Variants in ZNF789 observed in about 807,000 individuals in gnomAD.
ZNF789 encodes zinc finger protein 789.
Under a neutral mutation model 15.6 loss-of-function variants are expected in ZNF789, and 11 were observed. That is an observed-to-expected ratio of 0.70 (90% CI 0.44 to 1.16). The LOEUF (loss-of-function observed/expected upper bound fraction) is 1.16, where lower values mean the gene tolerates loss of function less well. Among genes scored for constraint, ZNF789 ranks in the 50% most tolerant of loss-of-function variants. The pLI is 0.00. For missense variants in ZNF789, 461 were observed against 512.6 expected, an observed-to-expected ratio of 0.90 and a Z score of 0.97; for synonymous variants, 159 against 176.0, an observed-to-expected ratio of 0.90 and a Z score of 0.76.
At chr7:99,486,277 T>G (rs559000756) in intron 4 of ZNF789, among the ~76,000 whole-genome samples, 199 bp from the exon 5 acceptor site, 1 of 152,252 alleles carries the variant, frequency 6.6e-6, no homozygotes, top group South Asian at 2.1e-4. Flanking sequence ...ATCATGCCAC[T>G]GCACTCTAGC....
rs1437213664 is a variant in ZNF789 at position 99,487,072 on chromosome 7, A to G, written c.862A>G (p.Ser288Gly). Residue 288 changes from serine to glycine, a missense_variant, in exon 5 of 5, where the codon AGC (serine) becomes GGC (glycine). Physicochemically the swap from Ser to Gly is moderately conservative, Grantham distance 56. Coordinates refer to ENST00000331410, the MANE Select transcript of ZNF789 (RefSeq NM_213603.3). ...CACCAAAGAAAAACCTTATAAATGT[A>G]GCAAATGTGAAAAAACGTTTAGTCA... ...IHTKEKPYKC[S>G]KCEKTFSQNS... 4 of 1,614,024 alleles carry G rather than the reference A, an allele frequency of 2.5e-6. No individual in the cohort carries two copies. The highest frequency in any genetic ancestry group is 2.2e-5 in the South Asian group (2 of 91,090).
intron 1 of ZNF789, 168 bp from the exon 2 acceptor site, chr7:99,476,235 T>C: frequency 3.7e-6 from 2 of 543,168 alleles, no homozygotes; most frequent in East Asian, 6.6e-5. Context: ...TTGAAATTAC[T>C]AGACTTATTG....
Position 99,476,428 on chromosome 7 carries a change from C to A in ZNF789, c.-29C>A, listed in dbSNP as rs1039303634. The A allele has an allele frequency of 1.2e-6, 2 of 1,605,552 alleles. No individual in the cohort carries two copies. The highest frequency in any genetic ancestry group is 1.7e-6 in the Non-Finnish European group (2 of 1,176,626). On this transcript the variant is annotated 5_prime_UTR_variant, in exon 2 of 5. Coordinates refer to ENST00000331410, the MANE Select transcript of ZNF789 (RefSeq NM_213603.3). The stretch of plus-strand genomic sequence containing the variant: ...CTCAGCCAGACGTCCAGGATCCCAC[C>A]CCTTGCAAAAGACCAGGCCGTGGAA...
intron 2 of ZNF789, 53 bp downstream of exon 2, chr7:99,476,533 C>T (rs1799342087): frequency 3.1e-6 from 5 of 1,604,432 alleles, no homozygotes; most frequent in Non-Finnish European, 4.3e-6. Context: ...CCACCAGCAG[C>T]TCCTTCCTCA....
chr7:99,484,992 C>T (rs1036003154), intron 4 of ZNF789, among the ~76,000 whole-genome samples: 2 of 152,042 alleles, frequency 1.3e-5, no homozygotes, highest in African/African-American at 2.4e-5. Flanking sequence ...AATGCTTATC[C>T]TCTCTCTCCT....
At chr7:99,483,629 TAAAA>T (rs1009494127) in intron 3 of ZNF789, 1 of 737,228 alleles carries the variant, frequency 1.4e-6, no homozygotes, top group Non-Finnish European at 2.5e-6. Context: ...GTCTCAAAAA[TAAAA>T]AAAATAAACA....
intron 3 of ZNF789, among the ~76,000 whole-genome samples, chr7:99,482,536 A>T (rs1799697491): frequency 6.6e-6 from 1 of 152,158 alleles, no homozygotes; most frequent in Admixed American, 6.6e-5. Context: ...CACATAACAT[A>T]CACACTACAT....
In ZNF789 at chr7:99,486,718, T is replaced by C; in HGVS notation, c.508T>C (p.Trp170Arg). 1 of 1,614,172 alleles carries C rather than the reference T, an allele frequency of 6.2e-7. No individual in the cohort carries two copies. Reference sequence around the variant, plus strand: ...TCAAGATCAGAATGCGCAAACAAGGTGGAAGCAGGGCAGATATGATGAGGA... The same window carrying C: ...TCAAGATCAGAATGCGCAAACAAGGCGGAAGCAGGGCAGATATGATGAGGA... ...LIQDQNAQTR[W>R]KQGRYDEDGK... Residue 170 changes from tryptophan (W) to arginine (R), a missense_variant, in exon 5 of 5, where the codon TGG (tryptophan) becomes CGG (arginine). Trp to Arg is a moderately radical substitution (Grantham distance 101, BLOSUM62 -3). Transcript: ENST00000331410.
At chr7:99,485,742 G>C (rs1289843727) in intron 4 of ZNF789, among the ~76,000 whole-genome samples, 6 of 152,180 alleles carry the variant, frequency 3.9e-5, no homozygotes, top group Admixed American at 2.6e-4. Flanking sequence ...TAAGGCACGA[G>C]AATCTCTTGA....
intron 3 of ZNF789, among the ~76,000 whole-genome samples, chr7:99,483,365 C>G (rs1164114879): frequency 2.6e-5 from 4 of 152,058 alleles, no homozygotes; most frequent in African/African-American, 9.7e-5. Flanking sequence ...TACAGTGGCT[C>G]AAGCCTATAA....
At chr7:99,474,828 A>C (rs915467603) in intron 1 of ZNF789, among the ~76,000 whole-genome samples, 3 of 151,940 alleles carry the variant, frequency 2.0e-5, no homozygotes, top group Admixed American at 6.6e-5. Flanking sequence ...CCTACAAAAG[A>C]ACTACAAACA....
rs753696299 is a variant in ZNF789 at position 99,487,344 on chromosome 7, T to C, written c.1134T>C (p.Phe378=). 1.4e-5 allele frequency: 22 copies of C among 1,614,132 alleles called. No individual in the cohort carries two copies. The highest frequency in any genetic ancestry group is 1.9e-5 in the Non-Finnish European group (22 of 1,180,060). ...FFQCGECGKT[F]SFKRNLFRHQ... ...AATGTGGAGAATGTGGGAAAACGTT[T>C]AGTTTTAAGAGGAATCTTTTTCGAC... is the stretch of plus-strand genomic sequence containing the variant. The change falls in exon 5 of 5, where the codon TTT becomes TTC. Residue 378 remains phenylalanine, a synonymous_variant. Transcript: ENST00000331410.
Position 99,476,263 on chromosome 7 carries a change from C to A in ZNF789, c.-54-140C>A, listed in dbSNP as rs534003200. 2.3e-3 allele frequency: 1,278 copies of A among 562,868 alleles called. 3 individuals are homozygous for A. Among genetic ancestry groups the A allele is most frequent in the Non-Finnish European group, 3.3e-3 (1,072 of 323,946 alleles). 34.9% of individuals were successfully genotyped at this position (562,868 alleles called of 1,614,324 possible). A position where few individuals can be genotyped will look rare whatever the true frequency, so the allele number is the denominator to read the frequency against. ...ACTTATTGTAGCGGCTCATGCATTT[C>A]ATCACATGTTCCAACACCAAACACA... On this transcript the variant is annotated intron_variant, in intron 1 of 4. Coordinates refer to ENST00000331410, the MANE Select transcript of ZNF789 (RefSeq NM_213603.3).
chr7:99,484,089 A>T lies in ZNF789; in HGVS notation c.211A>T (p.Ile71Phe). ...CQLENWDEQW[I>F]LDLPRTGNRK... ...GCTGGAGAACTGGGACGAGCAGTGG[A>T]TCCTGGATCTACCGAGAACTGGGAA... is the stretch of plus-strand genomic sequence containing the variant. Residue 71 changes from isoleucine to phenylalanine, a missense_variant, in exon 4 of 5, where the codon ATC (isoleucine) becomes TTC (phenylalanine). By Grantham distance (21) the Ile-to-Phe change is conservative. Coordinates refer to ENST00000331410, the MANE Select transcript of ZNF789 (RefSeq NM_213603.3). 6.2e-7 allele frequency: 1 copy of T among 1,614,034 alleles called. No homozygotes were observed. The highest frequency in any genetic ancestry group is 8.5e-7 in the Non-Finnish European group (1 of 1,179,994).
Position 99,487,047 on chromosome 7 carries a change from C to A in ZNF789, c.837C>A (p.His279Gln). 1.2e-6 allele frequency: 2 copies of A among 1,614,002 alleles called. No individual in the cohort carries two copies. The highest frequency in any genetic ancestry group is 1.7e-6 in the Non-Finnish European group (2 of 1,180,020). ...LAYLVEHKRI[H>Q]TKEKPYKCSK... Reference sequence around the variant, plus strand: ...ATCTTGTTGAACATAAGAGGATTCACACCAAAGAAAAACCTTATAAATGTA... The same window carrying A: ...ATCTTGTTGAACATAAGAGGATTCAAACCAAAGAAAAACCTTATAAATGTA... Residue 279 changes from histidine to glutamine, a missense_variant, in exon 5 of 5, where the codon CAC becomes CAA. Coordinates refer to ENST00000331410, the MANE Select transcript of ZNF789 (RefSeq NM_213603.3).
At chr7:99,479,632 G>A (rs1281485991) in intron 2 of ZNF789, 29 bp from the exon 3 acceptor site, 1 of 1,566,144 alleles carries the variant, frequency 6.4e-7, no homozygotes, top group African/African-American at 1.4e-5. Context: ...TTTAAGAATT[G>A]CAGTTACCTT....
chr7:99,483,950 A>T lies in ZNF789; in HGVS notation c.152-80A>T, dbSNP rs1799775789. ...ACCACCGCTTTTGATTATTGTCCTT[A>T]TCTCTGCTTGCCACTGAGCCCCGGG... On this transcript the variant is annotated intron_variant, in intron 3 of 4. Transcript: ENST00000331410. The T allele has an allele frequency of 3.7e-6, 4 of 1,080,002 alleles. No homozygotes were observed. In the East Asian group the frequency reaches 7.1e-5, roughly 19 times the overall value. The allele number at this position is 1,080,002 out of a possible 1,614,324, so 66.9% of individuals were successfully genotyped here.
chr7:99,478,499 G>A, intron 2 of ZNF789: 1 of 592,326 alleles, frequency 1.7e-6, no homozygotes, highest in African/African-American at 1.9e-5. Context: ...GATGGGGGTG[G>A]GCATTTCCTG....
At chr7:99,478,284 G>A in intron 2 of ZNF789, 1 of 1,289,424 alleles carries the variant, frequency 7.8e-7, no homozygotes, top group Non-Finnish European at 1.0e-6. Context: ...GTGCGGGAAT[G>A]CAGATGGCTG....
Sources: gnomAD v4.1 joint callset for allele counts (sites outside exome capture counted in the v4.1 genomes callset) on GRCh38, gnomAD v4.1.1 for gene constraint, MANE v1.5 for transcripts, NCBI Gene and HGNC (gene_info 2026-07-23, HGNC 2026-07-21) for gene names.